Variants in KIF1B observed in about 807,000 individuals in gnomAD.
KIF1B encodes kinesin family member 1B, also known as kinesin-like protein KIF1B.
KIF1B carries 76 observed loss-of-function variants against 241.9 expected under a neutral mutation model. The observed-to-expected ratio is 0.31, with a 90% CI of 0.26 to 0.38. The LOEUF is 0.38. Among genes scored for constraint, KIF1B ranks in the 10% least tolerant of loss-of-function variants. The probability of loss-of-function intolerance (pLI) is 1.00; values close to 1 mark genes in which losing one functional copy is unlikely to be tolerated. For synonymous variants in KIF1B, 750 were observed against 796.7 expected (o/e 0.94, Z 0.99); for missense variants, 1,622 against 2,271.4 (o/e 0.71, Z 5.81).
intron 2 of KIF1B, among the ~76,000 whole-genome samples, chr1:10,241,986 A>G (rs543010555): frequency 1.3e-5 from 2 of 152,162 alleles, no homozygotes; most frequent in African/African-American, 4.8e-5. Context: ...TTTCGGTAGT[A>G]CCTGTTTATC....
intron 38 of KIF1B, among the ~76,000 whole-genome samples, chr1:10,353,601 T>C (rs1325500589): frequency 6.6e-6 from 1 of 152,178 alleles, no homozygotes; most frequent in Non-Finnish European, 1.5e-5. Context: ...CTGAAAAACT[T>C]GTTTACATCC....
At chr1:10,341,427 C>T (rs1282977483) in intron 32 of KIF1B, among the ~76,000 whole-genome samples, 8 of 152,218 alleles carry the variant, frequency 5.3e-5, no homozygotes, top group Admixed American at 3.9e-4. Context: ...AGGGTTGCAG[C>T]CTGGGCCAGT....
At chr1:10,279,845 C>A (rs901377766) in intron 14 of KIF1B, among the ~76,000 whole-genome samples, 1 of 151,750 alleles carries the variant, frequency 6.6e-6, no homozygotes, top group Non-Finnish European at 1.5e-5. Flanking sequence ...TACAGTTGTT[C>A]GCTGCCACAC....
rs144153639 is a variant in KIF1B, at chr1:10,339,719, T to C, written c.3423-50T>C. On this transcript the variant is annotated intron_variant, in intron 31 of 48. Transcript: ENST00000676179. ...ATTGGGCTCTTGAAAGAGATTCTGA[T>C]AAAACCGTTTAATGCATTGTTCACG... The C allele has an allele frequency of 3.3e-6, 5 of 1,497,464 alleles. No homozygotes were observed. The East Asian group carries it at 1.1e-4, about 34-fold the overall frequency. 92.8% of individuals were successfully genotyped at this position (1,497,464 alleles called of 1,614,324 possible).
chr1:10,352,613 T>C lies in KIF1B; in HGVS notation c.3950-18T>C, dbSNP rs1165574260. On this transcript the variant is annotated intron_variant, in intron 37 of 48. Coordinates refer to ENST00000676179, the MANE Select transcript of KIF1B (RefSeq NM_001365951.3). ...TTCAAATGTGTCCGTGCTCTGTTTT[T>C]TTTATCCTTTCTTTTAGGTCGTATT... The C allele has an allele frequency of 6.2e-7, 1 of 1,601,698 alleles. No individual in the cohort carries two copies. The highest frequency in any genetic ancestry group is 1.7e-5 in the Admixed American group (1 of 59,986).
At chr1:10,331,140 G>A (rs1040279774) in intron 27 of KIF1B, among the ~76,000 whole-genome samples, 6 of 152,064 alleles carry the variant, frequency 3.9e-5, no homozygotes, top group African/African-American at 1.4e-4. Context: ...TAGGCATCGA[G>A]TGCAGAGAGG....
Position 10,295,767 on chromosome 1 carries a change from G to A in KIF1B, c.1777+1G>A. 6.2e-7 allele frequency: 1 copy of A among 1,611,428 alleles called. No individual in the cohort carries two copies. Among genetic ancestry groups the A allele is most frequent in the Non-Finnish European group, 8.5e-7 (1 of 1,177,844 alleles). On this transcript the variant is annotated splice_donor_variant, in intron 19 of 48. Coordinates refer to ENST00000676179, the MANE Select transcript of KIF1B (RefSeq NM_001365951.3). LOFTEE classifies it high-confidence loss of function. ...AGTGAGAGAAGCAACAGCGGGGAAGGTGAGCATTCCTGGCTGGAGCTTCAG... is the reference window on the plus strand; with the variant it reads ...AGTGAGAGAAGCAACAGCGGGGAAGATGAGCATTCCTGGCTGGAGCTTCAG...
rs750862410 is a variant in KIF1B, at chr1:10,326,117, C to A, written c.2682C>A (p.Pro894=). ...CGTCTTACCTGGTGTCTAGCTCCCC[C>A]ATTTTCCACGGCTGTGTGAACGAGC... ...FHWFKLVGSS[P]IFHGCVNERL... The change falls in exon 27 of 49, where the codon CCC becomes CCA. Residue 894 remains proline (P), a synonymous_variant. Transcript: ENST00000676179. This position sits in a 1 kb window ranked among gnomAD's most constrained non-coding sequence, Gnocchi z 5.2. The A allele has an allele frequency of 1.2e-6, 2 of 1,613,972 alleles. No individual in the cohort carries two copies. Among genetic ancestry groups the A allele is most frequent in the East Asian group, 2.2e-5 (1 of 44,892 alleles).
At chr1:10,267,696 T>C (rs185379112) in intron 6 of KIF1B, 138 bp downstream of exon 6, 1 of 766,038 alleles carries the variant, frequency 1.3e-6, no homozygotes, top group African/African-American at 1.7e-5. Context: ...TTGACTGTGC[T>C]GTAACAGTGA....
intron 22 of KIF1B, among the ~76,000 whole-genome samples, chr1:10,313,829 C>T (rs1190411195): frequency 6.6e-6 from 1 of 151,308 alleles, no homozygotes; most frequent in Non-Finnish European, 1.5e-5. Flanking sequence ...AGATTACAGG[C>T]GTGAGCCACC....
intron 22 of KIF1B, chr1:10,304,808 A>G (rs1216946339): frequency 6.1e-6 from 9 of 1,483,582 alleles, no homozygotes; most frequent in East Asian, 5.0e-5. Flanking sequence ...AAGTTTCAAC[A>G]CCTCCCTTTT....
intron 1 of KIF1B, among the ~76,000 whole-genome samples, chr1:10,212,913 TATATATATATATATATATAC>T (rs1196155083): frequency 0.027 from 3,493 of 127,056 alleles, 206 homozygotes; most frequent in African/African-American, 0.098. Context: ...TATATATATA[TATATATATATATATATATAC>T]ACACACACAT....
chr1:10,278,835 T>A (rs1021723959), intron 13 of KIF1B: 16 of 429,862 alleles, frequency 3.7e-5, no homozygotes, highest in Non-Finnish European at 6.3e-5. Flanking sequence ...TGGGTTAGTT[T>A]AGTAAAGCAT....
At chr1:10,304,322 A>C (rs1439356532) in intron 22 of KIF1B, 6 of 1,614,092 alleles carry the variant, frequency 3.7e-6, no homozygotes, top group Non-Finnish European at 5.1e-6. Context: ...CAGCCACCTC[A>C]ACTACGTTGG....
chr1:10,221,349 C>T lies in KIF1B; in HGVS notation c.-80+10471C>T, dbSNP rs145157280. 6.9e-3 allele frequency among the ~76,000 whole-genome samples: 1,043 copies of T among 152,132 alleles called. 11 individuals are homozygous for T. The highest frequency in any genetic ancestry group is 0.038 in the Middle Eastern group (11 of 292). ...CTGACCTCAAATGATCTGTCCGCTTCGGCCTCCCAAAGGGCTGGGATTACA... is the reference window on the plus strand; with the variant it reads ...CTGACCTCAAATGATCTGTCCGCTTTGGCCTCCCAAAGGGCTGGGATTACA... On this transcript the variant is annotated intron_variant, in intron 1 of 48. Transcript: ENST00000676179.
At chr1:10,237,974 G>A (rs1377375069) in intron 2 of KIF1B, among the ~76,000 whole-genome samples, 1 of 151,952 alleles carries the variant, frequency 6.6e-6, no homozygotes, top group Non-Finnish European at 1.5e-5. Flanking sequence ...ACGCCACTGC[G>A]CTCTAGCCTG....
intron 2 of KIF1B, among the ~76,000 whole-genome samples, chr1:10,254,687 T>C (rs1016503365): frequency 2.2e-4 from 34 of 151,738 alleles, no homozygotes; most frequent in Non-Finnish European, 5.9e-5. Context: ...CCATCCTGGC[T>C]AACACGGTGA....
intron 36 of KIF1B, 147 bp downstream of exon 36, chr1:10,347,974 G>C: frequency 3.1e-6 from 2 of 648,632 alleles, no homozygotes; most frequent in Non-Finnish European, 5.4e-6. Context: ...TTTTTTTTCT[G>C]TGTCTGTCTG....
At chr1:10,346,075 T>G (rs2102326971) in intron 35 of KIF1B, 122 bp downstream of exon 35, 1 of 747,842 alleles carries the variant, frequency 1.3e-6, no homozygotes, top group Middle Eastern at 2.9e-4. Context: ...AGGGATGGTT[T>G]TGTTTTTGTT....
Sources: allele counts gnomAD v4.1 joint callset (sites outside exome capture counted in the v4.1 genomes callset), GRCh38; gene constraint gnomAD v4.1.1; non-coding constraint Gnocchi (gnomAD v3.1); transcripts MANE v1.5; gene names NCBI Gene and HGNC (gene_info 2026-07-23, HGNC 2026-07-21).